The following YAF2 variants were observed in gnomAD, a reference collection of about 807,000 sequenced individuals.
YAF2 encodes YY1 associated factor 2.
Under a neutral mutation model 20.1 loss-of-function variants are expected in YAF2, and 7 were observed. That is an observed-to-expected ratio of 0.35 (90% CI 0.20 to 0.65). The LOEUF is 0.65. YAF2 is among the 30% of genes least tolerant of loss of function. The pLI, the probability that YAF2 is intolerant of heterozygous loss-of-function variation, is 0.69. For synonymous variants in YAF2, 74 were observed against 76.0 expected (o/e 0.97, Z 0.14); for missense variants, 151 against 219.2 (o/e 0.69, Z 1.96).
chr12:42,200,889 G>A (rs2066881150), intron 2 of YAF2, among the ~76,000 whole-genome samples: 1 of 152,132 alleles, frequency 6.6e-6, no homozygotes, highest in Admixed American at 6.5e-5. Context: ...ATGAGAGTGA[G>A]TAGGTTATTT....
At chr12:42,186,495 G>A (rs763665447) in intron 2 of YAF2, among the ~76,000 whole-genome samples, 1 of 152,124 alleles carries the variant, frequency 6.6e-6, no homozygotes, top group Non-Finnish European at 1.5e-5. Flanking sequence ...GACCAACGTG[G>A]TGAAACCCCG....
intron 2 of YAF2, among the ~76,000 whole-genome samples, chr12:42,172,492 C>T (rs2066074069): frequency 1.3e-5 from 2 of 152,102 alleles, no homozygotes; most frequent in African/African-American, 2.4e-5. Context: ...TATAAGCCAA[C>T]ATGAGACCTG....
At chr12:42,168,336 G>T (rs1370064350) in intron 2 of YAF2, among the ~76,000 whole-genome samples, 1 of 151,864 alleles carries the variant, frequency 6.6e-6, no homozygotes, top group African/African-American at 2.4e-5. Context: ...GCACCACCAT[G>T]CCCAGCTAAT....
chr12:42,223,331 T>TACACACACAC (rs71434396), intron 2 of YAF2, among the ~76,000 whole-genome samples: 1 of 148,114 alleles, frequency 6.8e-6, no homozygotes, highest in African/African-American at 2.5e-5. Context: ...TTAAAATACA[T>TACACACACAC]ACACACACAC....
intron 2 of YAF2, chr12:42,233,452 T>C: frequency 3.1e-6 from 3 of 978,106 alleles, no homozygotes; most frequent in South Asian, 9.5e-5. Flanking sequence ...TCATCACACA[T>C]TGATTATCAC....
chr12:42,157,955 A>G lies in YAF2; in HGVS notation c.*2634T>C, dbSNP rs1382985935. On this transcript the variant is annotated 3_prime_UTR_variant, in exon 4 of 4. Transcript: ENST00000534854. ...CTTACTTATAGCAAAGTAAGGTAAT[A>G]AATGCTGGAAAACATCCAAATTCTT... 1 of 152,140 alleles carries G rather than the reference A, an allele frequency of 6.6e-6. No individual in the cohort carries two copies. Among genetic ancestry groups the G allele is most frequent in the African/African-American group, 2.4e-5 (1 of 41,442 alleles). The allele number at this position is 152,140 out of a possible 1,614,324, so 9.4% of individuals were successfully genotyped here. A position where few individuals can be genotyped will look rare whatever the true frequency, so the allele number is the denominator to read the frequency against.
At chr12:42,227,640 C>T (rs2067769849) in intron 2 of YAF2, among the ~76,000 whole-genome samples, 1 of 150,136 alleles carries the variant, frequency 6.7e-6, no homozygotes, top group Admixed American at 6.6e-5. Context: ...CCCCTCCGCC[C>T]AGCAGCTGCC....
intron 2 of YAF2, among the ~76,000 whole-genome samples, chr12:42,191,248 T>C (rs1268927932): frequency 6.6e-6 from 1 of 152,194 alleles, no homozygotes; most frequent in Non-Finnish European, 1.5e-5. Context: ...TGCTTCATCT[T>C]TAAAAGGTAA....
chr12:42,193,600 G>A (rs2066672654), intron 2 of YAF2, among the ~76,000 whole-genome samples: 1 of 152,036 alleles, frequency 6.6e-6, no homozygotes, highest in Admixed American at 6.5e-5. Context: ...TTGACCTCCT[G>A]GGCTCAAGTG....
chr12:42,161,795 T>G, intron 2 of YAF2, 30 bp from the exon 3 acceptor site: 1 of 1,571,740 alleles, frequency 6.4e-7, no homozygotes. Context: ...AAAGGTATTT[T>G]AAATTACAAC....
At chr12:42,198,605 T>C (rs959573012) in intron 2 of YAF2, among the ~76,000 whole-genome samples, 1 of 152,128 alleles carries the variant, frequency 6.6e-6, no homozygotes, top group Non-Finnish European at 1.5e-5. Context: ...CAAAAGTTTA[T>C]CAGAATGAAA....
intron 2 of YAF2, among the ~76,000 whole-genome samples, chr12:42,189,969 G>A (rs1363253478): frequency 2.0e-5 from 3 of 152,232 alleles, no homozygotes; most frequent in East Asian, 1.9e-4. Context: ...ATTCTGAAAG[G>A]GTTGAAGACA....
In YAF2 at chr12:42,157,767, T is replaced by A. The variant is rs2065732761; in HGVS notation, c.*2822A>T. On this transcript the variant is annotated 3_prime_UTR_variant, in exon 4 of 4. Coordinates refer to ENST00000534854, the MANE Select transcript of YAF2 (RefSeq NM_005748.6). ...CTTCTGTGCCTCAAATTATATTCAC[T>A]TTTTAAATATACATATATATATATA... The A allele has an allele frequency of 6.7e-6, 1 of 149,540 alleles. No homozygotes were observed. The highest frequency in any genetic ancestry group is 1.5e-5 in the Non-Finnish European group (1 of 67,876). 9.3% of individuals were successfully genotyped at this position (149,540 alleles called of 1,614,324 possible). A position where few individuals can be genotyped will look rare whatever the true frequency, so the allele number is the denominator to read the frequency against.
intron 2 of YAF2, among the ~76,000 whole-genome samples, chr12:42,176,590 T>C (rs1445899887): frequency 6.6e-6 from 1 of 152,150 alleles, no homozygotes; most frequent in Non-Finnish European, 1.5e-5. Flanking sequence ...ATCAAATGCT[T>C]TCCATCCCCA....
rs1797253123 is a variant in YAF2 at position 42,159,041 on chromosome 12, TATAA to T, written c.*1544_*1547del. The T allele has an allele frequency of 6.6e-6, 1 of 152,150 alleles. No individual in the cohort carries two copies. The highest frequency in any genetic ancestry group is 1.5e-5 in the Non-Finnish European group (1 of 67,994). The allele number at this position is 152,150 out of a possible 1,614,324, so 9.4% of individuals were successfully genotyped here. ...TTTAACAACACTAAAGAATGAGGTA[TATAA>T]ATGTTTTAATCACAGACTTTTACTG... On this transcript the variant is annotated 3_prime_UTR_variant, in exon 4 of 4. Coordinates refer to ENST00000534854, the MANE Select transcript of YAF2 (RefSeq NM_005748.6).
chr12:42,160,430 A>G lies in YAF2; in HGVS notation c.*159T>C. 1.6e-6 allele frequency: 1 copy of G among 634,910 alleles called. No individual in the cohort carries two copies. Among genetic ancestry groups the G allele is most frequent in the East Asian group, 2.8e-5 (1 of 35,862 alleles). The allele number at this position is 634,910 out of a possible 1,614,324, so 39.3% of individuals were successfully genotyped here. ...GAAATGTTTGGTAGGCATCATTGCA[A>G]TAAAATCTAACAAATTCTAACAAAT... On this transcript the variant is annotated 3_prime_UTR_variant, in exon 4 of 4. Coordinates refer to ENST00000534854, the MANE Select transcript of YAF2 (RefSeq NM_005748.6).
intron 2 of YAF2, among the ~76,000 whole-genome samples, chr12:42,193,597 C>A (rs1223188123): frequency 6.6e-6 from 1 of 152,112 alleles, no homozygotes; most frequent in African/African-American, 2.4e-5. Context: ...GCCTTGACCT[C>A]CTGGGCTCAA....
chr12:42,236,387 T>A (rs2068157054), intron 2 of YAF2, among the ~76,000 whole-genome samples: 1 of 152,246 alleles, frequency 6.6e-6, no homozygotes, highest in African/African-American at 2.4e-5. Context: ...TTTGAAAGTT[T>A]GCTTTTTGAA....
Position 42,182,895 on chromosome 12 carries a change from T to A in YAF2, c.153-21130A>T, listed in dbSNP as rs145654938. Among the ~76,000 whole-genome samples, 631 of 152,296 alleles carry A rather than the reference T, an allele frequency of 4.1e-3. 2 individuals carry two copies. The highest frequency in any genetic ancestry group is 6.9e-3 in the Non-Finnish European group (470 of 68,024). ...AATAGCATGAACACAAGAGCACATCTCATTTTATTGTGCATTACTTTATTA... is the reference window on the plus strand; with the variant it reads ...AATAGCATGAACACAAGAGCACATCACATTTTATTGTGCATTACTTTATTA... On this transcript the variant is annotated intron_variant, in intron 2 of 3. Coordinates refer to ENST00000534854, the MANE Select transcript of YAF2 (RefSeq NM_005748.6).
Sources: allele counts gnomAD v4.1 joint callset (sites outside exome capture counted in the v4.1 genomes callset), GRCh38; gene constraint gnomAD v4.1.1; transcripts MANE v1.5; gene names NCBI Gene and HGNC (gene_info 2026-07-23, HGNC 2026-07-21).